TAFA1: variants seen among roughly 807,000 people sequenced by gnomAD.
The protein encoded by TAFA1 is TAFA chemokine like family member 1.
Under a neutral mutation model 18.5 loss-of-function variants are expected in TAFA1, and 4 were observed. The ratio of observed to expected loss-of-function variants is 0.22; its 90% CI spans 0.11 to 0.49. TAFA1 has a LOEUF of 0.49. Ranked by LOEUF, TAFA1 falls within the 20% of genes least tolerant of loss-of-function variation. The probability of loss-of-function intolerance (pLI) is 0.98; values close to 1 mark genes in which losing one functional copy is unlikely to be tolerated. For synonymous variants in TAFA1, 56 were observed against 55.2 expected (o/e 1.01, Z -0.06); for missense variants, 147 against 169.0 (o/e 0.87, Z 0.72).
At chr3:68,024,017 C>A (rs575936343) in intron 2 of TAFA1, among the ~76,000 whole-genome samples, 18 of 152,252 alleles carry the variant, frequency 1.2e-4, no homozygotes, top group African/African-American at 4.3e-4. Flanking sequence ...AGAAGAATTG[C>A]CACCTTGGAA....
At chr3:67,993,323 G>A in the TAFA1 span, among the ~76,000 whole-genome samples, 3 of 152,162 alleles carry the variant, frequency 2.0e-5, no homozygotes, top group East Asian at 1.9e-4. Context: ...GTTTCTGGCC[G>A]AAGCACCTGG....
At chr3:68,487,213 T>C (rs973369537) in intron 3 of TAFA1, among the ~76,000 whole-genome samples, 1 of 152,200 alleles carries the variant, frequency 6.6e-6, no homozygotes, top group South Asian at 2.1e-4. Context: ...GGAAACTTGA[T>C]AGTACTTGAT....
At chr3:68,207,011 C>T (rs151075420) in intron 2 of TAFA1, among the ~76,000 whole-genome samples, 47 of 151,978 alleles carry the variant, frequency 3.1e-4, no homozygotes, top group African/African-American at 8.7e-4. Context: ...AATTCAACAT[C>T]AAAAAGTTCC....
chr3:68,484,928 T>C (rs1288640567), intron 3 of TAFA1, among the ~76,000 whole-genome samples: 1 of 152,172 alleles, frequency 6.6e-6, no homozygotes, highest in African/African-American at 2.4e-5. Context: ...AACAATTTGT[T>C]TGCTGGGGTT....
intron 2 of TAFA1, among the ~76,000 whole-genome samples, chr3:68,293,672 C>A (rs576552686): frequency 5.3e-5 from 8 of 152,174 alleles, no homozygotes; most frequent in Non-Finnish European, 7.3e-5. Flanking sequence ...TTGATCAATG[C>A]GAGCTATTGT....
chr3:68,449,635 T>A (rs2071535453), intron 3 of TAFA1, among the ~76,000 whole-genome samples: 1 of 152,204 alleles, frequency 6.6e-6, no homozygotes, highest in Admixed American at 6.5e-5. Flanking sequence ...TGAGTCCATA[T>A]TGCACATGGC....
At position 68,482,351 on chromosome 3, in the gene TAFA1, G is replaced by A. The variant is rs75847984; in HGVS notation, c.260-56405G>A. 3.4e-3 allele frequency among the ~76,000 whole-genome samples: 522 copies of A among 152,194 alleles called. 4 individuals carry two copies. Among genetic ancestry groups the A allele is most frequent in the African/African-American group, 0.012 (478 of 41,532 alleles). On this transcript the variant is annotated intron_variant, in intron 3 of 4. Transcript: ENST00000478136. Reference sequence around the variant, plus strand: ...CTCCTGTATATCAGGCACTGTATTTGGATATTGTAGACACCAAGAAGAAAA... The same window carrying A: ...CTCCTGTATATCAGGCACTGTATTTAGATATTGTAGACACCAAGAAGAAAA...
chr3:68,150,601 T>A (rs572192763), intron 2 of TAFA1, among the ~76,000 whole-genome samples: 15 of 152,232 alleles, frequency 9.9e-5, no homozygotes, highest in Non-Finnish European at 2.1e-4. Context: ...AAGAGGAGTG[T>A]TAACCAAGGC....
chr3:68,473,661 G>A (rs1446738190), intron 3 of TAFA1, among the ~76,000 whole-genome samples: 3 of 152,178 alleles, frequency 2.0e-5, no homozygotes, highest in Non-Finnish European at 4.4e-5. Flanking sequence ...GGTCTCTGCA[G>A]TTGTCTGCCC....
At chr3:68,359,635 C>A (rs1248946659) in intron 2 of TAFA1, among the ~76,000 whole-genome samples, 1 of 151,868 alleles carries the variant, frequency 6.6e-6, no homozygotes, top group African/African-American at 2.4e-5. Flanking sequence ...GATCACAGCC[C>A]TCCTGACACC....
chr3:68,221,373 C>T (rs1326497928), intron 2 of TAFA1, among the ~76,000 whole-genome samples: 1 of 152,138 alleles, frequency 6.6e-6, no homozygotes, highest in East Asian at 1.9e-4. Context: ...TCTGGATCTT[C>T]CCTACATACA....
chr3:68,013,200 T>G (rs1036857428), intron 2 of TAFA1, among the ~76,000 whole-genome samples: 3 of 152,122 alleles, frequency 2.0e-5, no homozygotes, highest in Non-Finnish European at 4.4e-5. Context: ...GGAATGAAGA[T>G]TTTGGTGGAA....
chr3:68,148,242 A>T (rs150048520), intron 2 of TAFA1, among the ~76,000 whole-genome samples: 147 of 152,298 alleles, frequency 9.7e-4, no homozygotes, highest in African/African-American at 3.3e-3. Context: ...AATTTGTCCT[A>T]CCTCTGGTAA....
intron 2 of TAFA1, among the ~76,000 whole-genome samples, chr3:68,203,529 A>G (rs7650009): frequency 0.64 from 96,266 of 151,452 alleles, 30,899 homozygotes; most frequent in South Asian, 0.75. Context: ...AAAGATCTTA[A>G]TAAGGTGGTG....
At chr3:68,513,675 C>T (rs2072881473) in intron 3 of TAFA1, among the ~76,000 whole-genome samples, 1 of 151,996 alleles carries the variant, frequency 6.6e-6, no homozygotes, top group South Asian at 2.1e-4. Context: ...TCGAGAAACA[C>T]TAACTCATTT....
At chr3:68,313,975 A>C (rs1037255231) in intron 2 of TAFA1, among the ~76,000 whole-genome samples, 2 of 152,210 alleles carry the variant, frequency 1.3e-5, no homozygotes, top group African/African-American at 4.8e-5. Context: ...AACTGTAAAA[A>C]GGAATCCTTT....
At chr3:68,334,777 T>C (rs931079440) in intron 2 of TAFA1, among the ~76,000 whole-genome samples, 2 of 152,098 alleles carry the variant, frequency 1.3e-5, no homozygotes, top group African/African-American at 4.8e-5. Context: ...TTGATATGGG[T>C]TCCTCAGGGA....
chr3:68,108,483 G>A (rs1160364960), intron 2 of TAFA1, among the ~76,000 whole-genome samples: 1 of 150,970 alleles, frequency 6.6e-6, no homozygotes. Context: ...TGTGTATAAA[G>A]TAGTGAATTA....
At chr3:68,154,718 T>A (rs1232433364) in intron 2 of TAFA1, among the ~76,000 whole-genome samples, 11 of 152,148 alleles carry the variant, frequency 7.2e-5, no homozygotes, top group Admixed American at 7.2e-4. Flanking sequence ...CTGGGGGCCC[T>A]GCCTTGGGGG....
Sources: gnomAD v4.1 joint callset for allele counts (sites outside exome capture counted in the v4.1 genomes callset) on GRCh38, gnomAD v4.1.1 for gene constraint, MANE v1.5 for transcripts, NCBI Gene and HGNC (gene_info 2026-07-23, HGNC 2026-07-21) for gene names.